The following PRPF3 variants were observed in gnomAD, a reference collection of about 807,000 sequenced individuals.
The protein encoded by PRPF3 is U4/U6 small nuclear ribonucleoprotein Prp3.
Under a neutral mutation model 89.2 loss-of-function variants are expected in PRPF3, and 3 were observed. The ratio of observed to expected loss-of-function variants is 0.03; its 90% CI spans 0.02 to 0.09. The LOEUF is 0.09. Among genes scored for constraint, PRPF3 ranks in the 10% least tolerant of loss-of-function variants. The probability of loss-of-function intolerance (pLI) is 1.00; values close to 1 mark genes in which losing one functional copy is unlikely to be tolerated. For missense variants in PRPF3, 463 were observed against 828.8 expected (o/e 0.56, Z 5.42); for synonymous variants, 270 against 289.1 (o/e 0.93, Z 0.67).
chr1:150,336,027 C>T (rs1273468361), intron 7 of PRPF3, among the ~76,000 whole-genome samples: 1 of 152,160 alleles, frequency 6.6e-6, no homozygotes, highest in Non-Finnish European at 1.5e-5. Flanking sequence ...CTTGACCTCC[C>T]AAAGTGCTGG....
At chr1:150,326,145 A>G (rs1251565146) in intron 3 of PRPF3, among the ~76,000 whole-genome samples, 1 of 152,008 alleles carries the variant, frequency 6.6e-6, no homozygotes, top group African/African-American at 2.4e-5. Context: ...ATGTTTCTCC[A>G]TATTTCCTTT....
chr1:150,345,664 A>G, intron 12 of PRPF3: 1 of 331,574 alleles, frequency 3.0e-6, no homozygotes, highest in South Asian at 2.5e-5. Flanking sequence ...ATCCTATATT[A>G]TAAGAGTCTA....
At chr1:150,329,202 G>A (rs1287535423) in intron 4 of PRPF3, among the ~76,000 whole-genome samples, 4 of 151,772 alleles carry the variant, frequency 2.6e-5, no homozygotes, top group African/African-American at 9.7e-5. Context: ...GCTAATTTTT[G>A]TATTTTTAGT....
At chr1:150,336,806 A>G (rs1259041340) in intron 7 of PRPF3, among the ~76,000 whole-genome samples, 1 of 151,454 alleles carries the variant, frequency 6.6e-6, no homozygotes, top group Non-Finnish European at 1.5e-5. Flanking sequence ...TTTTTAGCAG[A>G]TTTTACTTCC....
At chr1:150,337,257 T>C (rs1657118468) in intron 7 of PRPF3, among the ~76,000 whole-genome samples, 4 of 151,418 alleles carry the variant, frequency 2.6e-5, no homozygotes. Context: ...GCCAGGATGG[T>C]CTCGATCTCC....
intron 7 of PRPF3, among the ~76,000 whole-genome samples, chr1:150,337,727 G>A (rs2101988318): frequency 6.8e-6 from 1 of 148,092 alleles, no homozygotes; most frequent in South Asian, 2.1e-4. Flanking sequence ...ACACTGCACT[G>A]CACTGCAGCC....
At chr1:150,334,000 A>T (rs80215841) in intron 6 of PRPF3, among the ~76,000 whole-genome samples, 2 of 152,100 alleles carry the variant, frequency 1.3e-5, no homozygotes, top group Admixed American at 6.5e-5. Context: ...ATCCACTTTG[A>T]TATTTTTAAT....
intron 1 of PRPF3, among the ~76,000 whole-genome samples, chr1:150,324,368 C>T (rs782039896): frequency 1.8e-4 from 27 of 152,210 alleles, no homozygotes; most frequent in Non-Finnish European, 3.5e-4. Flanking sequence ...TTGTTTATTC[C>T]GCAGATTTCA....
At chr1:150,336,728 CA>C (rs1657042415) in intron 7 of PRPF3, among the ~76,000 whole-genome samples, 1 of 151,926 alleles carries the variant, frequency 6.6e-6, no homozygotes, top group Admixed American at 6.6e-5. Flanking sequence ...TGCACTCCAG[CA>C]TGGGCAAAAG....
chr1:150,338,427 G>C (rs1251900446), intron 8 of PRPF3, 101 bp downstream of exon 8: 2 of 1,157,324 alleles, frequency 1.7e-6, no homozygotes, highest in Non-Finnish European at 2.5e-6. Context: ...TTAGTGGGAA[G>C]GATGGTACTC....
Position 150,328,483 on chromosome 1 carries a change from T to G in PRPF3, c.423+17T>G. Reference sequence around the variant, plus strand: ...AAGCTCCAGGTTAGTGATTAGGGACTGGAAGCAAAGTGGTTTTGTGAGTTG... The same window carrying G: ...AAGCTCCAGGTTAGTGATTAGGGACGGGAAGCAAAGTGGTTTTGTGAGTTG... On this transcript the variant is annotated intron_variant, in intron 4 of 15. Transcript: ENST00000324862. 8.1e-6 allele frequency: 13 copies of G among 1,609,382 alleles called. No individual in the cohort carries two copies. Among genetic ancestry groups the G allele is most frequent in the Non-Finnish European group, 1.1e-5 (13 of 1,177,910 alleles).
At chr1:150,347,330 TACACAC>T (rs1199999326) in intron 14 of PRPF3, among the ~76,000 whole-genome samples, 4 of 151,410 alleles carry the variant, frequency 2.6e-5, no homozygotes, top group African/African-American at 9.7e-5. Context: ...ATACACACAA[TACACAC>T]ACATACATGT....
chr1:150,344,584 T>G, intron 12 of PRPF3, 37 bp downstream of exon 12: 1 of 1,604,584 alleles, frequency 6.2e-7, no homozygotes, highest in East Asian at 2.2e-5. Context: ...CCCCTTAGAA[T>G]TACTAAAACA....
chr1:150,333,427 C>CGT (rs1444682526), intron 6 of PRPF3, among the ~76,000 whole-genome samples: 5 of 152,002 alleles, frequency 3.3e-5, no homozygotes, highest in African/African-American at 1.2e-4. Flanking sequence ...ATTAGCCAGG[C>CGT]GTGGTGGTGC....
chr1:150,344,583 A>T lies in PRPF3; in HGVS notation c.1640+36A>T, dbSNP rs1044680065. The stretch of plus-strand genomic sequence containing the variant: ...ATACTGGGCCAAACTTCCCCTTAGA[A>T]TTACTAAAACATTTTCCAAGTGCTT... On this transcript the variant is annotated intron_variant, in intron 12 of 15. Transcript: ENST00000324862. The T allele has an allele frequency of 5.6e-6, 9 of 1,605,302 alleles. No homozygotes were observed. The Middle Eastern group carries it at 8.2e-4, about 147-fold the overall frequency.
chr1:150,322,476 A>G (rs11584070), intron 1 of PRPF3, among the ~76,000 whole-genome samples: 12,521 of 152,246 alleles, frequency 0.082, 688 homozygotes, highest in Non-Finnish European at 0.12. Context: ...TTCACTTTCT[A>G]TGGCATCTGG....
intron 9 of PRPF3, among the ~76,000 whole-genome samples, chr1:150,340,974 G>A (rs1657632689): frequency 6.6e-6 from 1 of 150,692 alleles, no homozygotes; most frequent in Admixed American, 6.6e-5. Context: ...GCATGGTGGT[G>A]TGCATCTGTA....
At chr1:150,327,420 C>A in intron 3 of PRPF3, 1 of 183,302 alleles carries the variant, frequency 5.5e-6, no homozygotes, top group Non-Finnish European at 1.0e-5. Context: ...GAAGTGACTA[C>A]ATTGGGTGGG....
In PRPF3 at chr1:150,352,815, T is replaced by C. The variant is rs1345579095; in HGVS notation, c.1906-18T>C. 4.3e-6 allele frequency: 7 copies of C among 1,612,472 alleles called. No homozygotes were observed. The highest frequency in any genetic ancestry group is 4.0e-5 in the African/African-American group (3 of 74,846). ...AAATAAGAAATTGAAGTGTTTTTAT[T>C]ATATATCTCTTTTCTAGGGTACAGC... On this transcript the variant is annotated intron_variant, in intron 15 of 15. Coordinates refer to ENST00000324862, the MANE Select transcript of PRPF3 (RefSeq NM_004698.4).
Sources: gnomAD v4.1 joint callset for allele counts (sites outside exome capture counted in the v4.1 genomes callset) on GRCh38, gnomAD v4.1.1 for gene constraint, MANE v1.5 for transcripts, NCBI Gene and HGNC (gene_info 2026-07-23, HGNC 2026-07-21) for gene names.